The following SIRPG variants were observed in gnomAD, a reference collection of about 807,000 sequenced individuals.
The protein encoded by SIRPG is signal regulatory protein gamma.
Under a neutral mutation model 35.7 loss-of-function variants are expected in SIRPG, and 38 were observed. That is an observed-to-expected ratio of 1.06 (90% CI 0.82 to 1.40). The LOEUF is 1.40. SIRPG is among the 40% of genes most tolerant of loss of function. The pLI is 0.00. For missense variants in SIRPG, 519 were observed against 483.0 expected (o/e 1.07, Z -0.70); for synonymous variants, 215 against 190.4 (o/e 1.13, Z -1.06).
At chr20:1,635,789 G>A (rs997910380) in intron 3 of SIRPG, among the ~76,000 whole-genome samples, 190 bp from the exon 4 acceptor site, 3 of 152,222 alleles carry the variant, frequency 2.0e-5, no homozygotes, top group African/African-American at 7.2e-5. Context: ...CTGGTGCACA[G>A]TAGGTGCTCA....
intron 2 of SIRPG, among the ~76,000 whole-genome samples, chr20:1,642,044 G>A (rs1432539837): frequency 6.6e-6 from 1 of 152,214 alleles, no homozygotes; most frequent in Non-Finnish European, 1.5e-5. Context: ...AGTGCCTTGT[G>A]GCACTGAGAA....
intron 1 of SIRPG, among the ~76,000 whole-genome samples, chr20:1,654,923 T>TA (rs948402878): frequency 1.5e-4 from 23 of 151,724 alleles, no homozygotes; most frequent in Middle Eastern, 6.8e-3. Context: ...AGTCAGCGTA[T>TA]AAAAAAAAAT....
chr20:1,674,217 AT>A, the SIRPG span, among the ~76,000 whole-genome samples: 69 of 149,834 alleles, frequency 4.6e-4, no homozygotes, highest in Middle Eastern at 3.4e-3. Context: ...CTGGATTTAA[AT>A]TTTTTTTTTT....
At chr20:1,649,955 T>A (rs6105471) in intron 1 of SIRPG, among the ~76,000 whole-genome samples, 1 of 141,864 alleles carries the variant, frequency 7.0e-6, no homozygotes. Context: ...CAAGGTAGAG[T>A]TTTGGGTTGA....
chr20:1,664,005 G>A, the SIRPG span, among the ~76,000 whole-genome samples: 1 of 152,208 alleles, frequency 6.6e-6, no homozygotes, highest in Non-Finnish European at 1.5e-5. Context: ...GAGGCCCTCG[G>A]ACTGCTTCTA....
upstream of SIRPG, among the ~76,000 whole-genome samples, chr20:1,660,229 A>G: frequency 6.6e-6 from 1 of 152,130 alleles, no homozygotes. Flanking sequence ...GAAATTTTTT[A>G]AAAAAACTTA....
chr20:1,641,623 T>G (rs1301862415), intron 2 of SIRPG, among the ~76,000 whole-genome samples: 3 of 152,188 alleles, frequency 2.0e-5, no homozygotes, highest in Non-Finnish European at 4.4e-5. Flanking sequence ...CTGATCTTAG[T>G]CATTTCTTGT....
rs753408477 is a variant in SIRPG at position 1,635,253 on chromosome 20, T to C, written c.1081+14A>G. 6.4e-7 allele frequency: 1 copy of C among 1,562,800 alleles called. No homozygotes were observed. The highest frequency in any genetic ancestry group is 2.3e-5 in the East Asian group (1 of 44,194). On this transcript the variant is annotated intron_variant, in intron 4 of 5. Transcript: ENST00000303415. ...GAGAAAAAGACAAAATTTAAAAATT[T>C]TGAGTAACCTCACCAGGGGTAGCAT...
At chr20:1,646,618 C>T (rs943511914) in intron 2 of SIRPG, 8 of 150,272 alleles carry the variant, frequency 5.3e-5, no homozygotes, top group African/African-American at 2.0e-4. Context: ...GCCAGCCCCT[C>T]CTACCCCTAC....
intron 2 of SIRPG, among the ~76,000 whole-genome samples, chr20:1,643,880 G>T (rs1423953774): frequency 6.6e-6 from 1 of 152,102 alleles, no homozygotes; most frequent in Non-Finnish European, 1.5e-5. Context: ...TCATCTGGTT[G>T]GCTCCCACAC....
chr20:1,641,587 G>A (rs1208335503), intron 2 of SIRPG, among the ~76,000 whole-genome samples: 1 of 151,876 alleles, frequency 6.6e-6, no homozygotes, highest in African/African-American at 2.4e-5. Flanking sequence ...AGGGTTTTTT[G>A]TGTCTTTATC....
intron 4 of SIRPG, among the ~76,000 whole-genome samples, chr20:1,631,892 T>C (rs1327586654): frequency 6.6e-6 from 1 of 152,220 alleles, no homozygotes; most frequent in African/African-American, 2.4e-5. Flanking sequence ...GGAAATATGC[T>C]GAGAAGCTAC....
At chr20:1,637,957 C>T (rs1187055790) in intron 2 of SIRPG, among the ~76,000 whole-genome samples, 1 of 152,180 alleles carries the variant, frequency 6.6e-6, no homozygotes, top group African/African-American at 2.4e-5. Context: ...ACATATTAGG[C>T]ATACTTGCAT....
chr20:1,666,710 T>C, the SIRPG span: 1 of 152,304 alleles, frequency 6.6e-6, no homozygotes, highest in South Asian at 2.1e-4. Context: ...TTATAAAGTC[T>C]ACATAGGGTA....
chr20:1,661,414 A>C (rs545359403), upstream of SIRPG, among the ~76,000 whole-genome samples: 10 of 152,354 alleles, frequency 6.6e-5, no homozygotes, highest in African/African-American at 2.4e-4. Context: ...GGAGAGAAGA[A>C]AATGCTCCCA....
At chr20:1,645,315 G>T (rs1429050144) in intron 2 of SIRPG, among the ~76,000 whole-genome samples, 4 of 152,136 alleles carry the variant, frequency 2.6e-5, no homozygotes, top group South Asian at 2.1e-4. Context: ...CTGGGTATGA[G>T]AATCTTCTGG....
At chr20:1,645,432 G>C (rs1403480595) in intron 2 of SIRPG, among the ~76,000 whole-genome samples, 1 of 152,132 alleles carries the variant, frequency 6.6e-6, no homozygotes, top group African/African-American at 2.4e-5. Context: ...AAGTTTCCCA[G>C]GTGATTCTAA....
intron 1 of SIRPG, among the ~76,000 whole-genome samples, chr20:1,653,361 G>C (rs747034440): frequency 3.3e-5 from 5 of 152,138 alleles, no homozygotes; most frequent in Non-Finnish European, 7.4e-5. Flanking sequence ...AAGTAAAAGA[G>C]GTAAGGCATT....
intron 1 of SIRPG, among the ~76,000 whole-genome samples, chr20:1,650,212 G>A (rs2091932263): frequency 1.3e-5 from 2 of 151,426 alleles, no homozygotes; most frequent in African/African-American, 4.9e-5. Context: ...ATCCTTACAT[G>A]TCCTTCTCAA....
Sources: gnomAD v4.1 joint callset for allele counts (sites outside exome capture counted in the v4.1 genomes callset) on GRCh38, gnomAD v4.1.1 for gene constraint, MANE v1.5 for transcripts, NCBI Gene and HGNC (gene_info 2026-07-23, HGNC 2026-07-21) for gene names.